LYZL1: variants seen among roughly 807,000 people sequenced by gnomAD.
LYZL1 encodes lysozyme like 1.
A neutral mutation model predicts 17.9 loss-of-function variants in LYZL1; 16 were observed. The ratio of observed to expected loss-of-function variants is 0.90; its 90% confidence interval spans 0.61 to 1.36. LYZL1 has a LOEUF of 1.36. Among genes scored for constraint, LYZL1 ranks in the 40% most tolerant of loss-of-function variants. LYZL1 has a pLI of 0.00. For missense variants in LYZL1, 149 were observed against 188.4 expected (o/e 0.79, Z 1.22); for synonymous variants, 58 against 71.8 (o/e 0.81, Z 0.97).
chr10:29,304,648 A>C (rs1835567276), intron 3 of LYZL1, among the ~76,000 whole-genome samples: 1 of 152,336 alleles, frequency 6.6e-6, no homozygotes, highest in Non-Finnish European at 1.5e-5. Context: ...GTCTATTTAA[A>C]GTAAATTGAG....
At chr10:29,296,866 T>A (rs552626618) in intron 3 of LYZL1, among the ~76,000 whole-genome samples, 1 of 152,282 alleles carries the variant, frequency 6.6e-6, no homozygotes, top group East Asian at 1.9e-4. Flanking sequence ...CAGCCTTTAG[T>A]GCCCCTCTCT....
intron 2 of LYZL1, among the ~76,000 whole-genome samples, 193 bp downstream of exon 2, chr10:29,292,199 TTCCTGGAG>T (rs1473488104): frequency 1.3e-5 from 2 of 150,390 alleles, no homozygotes; most frequent in East Asian, 4.0e-4. Context: ...CATTTCCTTA[TTCCTGGAG>T]TCCTGTCCTT....
intron 1 of LYZL1, among the ~76,000 whole-genome samples, chr10:29,291,603 G>A (rs563586861): frequency 0.011 from 1,629 of 150,488 alleles, 21 homozygotes; most frequent in African/African-American, 0.029. Flanking sequence ...TAATTTTTTT[G>A]CTTGCTTAAC....
intron 3 of LYZL1, among the ~76,000 whole-genome samples, chr10:29,299,253 T>C (rs1244034725): frequency 6.6e-6 from 1 of 152,194 alleles, no homozygotes; most frequent in Non-Finnish European, 1.5e-5. Flanking sequence ...TCCTGCTGTG[T>C]GACTTGGTTC....
Position 29,310,099 on chromosome 10 carries a change from C to G in LYZL1, c.299-11C>G, listed in dbSNP as rs762128491. On this transcript the variant is annotated splice_polypyrimidine_tract_variant and intron_variant, in intron 3 of 4. Coordinates refer to ENST00000649382, the MANE Select transcript of LYZL1 (RefSeq NM_032517.6). ...GTCTCGCCTAACCCTGATGTCTTCT[C>G]TCTTTTACAGCCTTGATCACTGATG... The G allele has an allele frequency of 6.2e-7, 1 of 1,603,526 alleles. No individual in the cohort carries two copies. Among genetic ancestry groups the G allele is most frequent in the Non-Finnish European group, 8.5e-7 (1 of 1,171,272 alleles).
chr10:29,312,685 A>G (rs1401872573), downstream of LYZL1, among the ~76,000 whole-genome samples: 1 of 152,128 alleles, frequency 6.6e-6, no homozygotes, highest in East Asian at 1.9e-4. Context: ...TATTCCCAGG[A>G]TGCCTTCTGC....
chr10:29,292,220 G>A (rs1346967148), intron 2 of LYZL1, among the ~76,000 whole-genome samples: 2 of 150,066 alleles, frequency 1.3e-5, no homozygotes, highest in African/African-American at 4.9e-5. Flanking sequence ...CTGTCCTTAT[G>A]ACACTAGCCA....
chr10:29,295,736 G>T (rs1835438392), intron 3 of LYZL1, among the ~76,000 whole-genome samples: 1 of 152,176 alleles, frequency 6.6e-6, no homozygotes, highest in Non-Finnish European at 1.5e-5. Flanking sequence ...GTCAGAGAGA[G>T]CTCCAATGAT....
intron 3 of LYZL1, among the ~76,000 whole-genome samples, chr10:29,295,643 T>C (rs140974625): frequency 6.6e-6 from 1 of 152,280 alleles, no homozygotes; most frequent in African/African-American, 2.4e-5. Context: ...TGAGATCAGG[T>C]AGGGGAGATT....
At chr10:29,297,137 A>G (rs1835457323) in intron 3 of LYZL1, among the ~76,000 whole-genome samples, 1 of 152,006 alleles carries the variant, frequency 6.6e-6, no homozygotes, top group Admixed American at 6.5e-5. Flanking sequence ...CAAATAAAGA[A>G]CCTTTGGAAA....
At chr10:29,307,936 G>A (rs766327993) in intron 3 of LYZL1, among the ~76,000 whole-genome samples, 27 of 151,994 alleles carry the variant, frequency 1.8e-4, no homozygotes, top group African/African-American at 6.0e-4. Flanking sequence ...TCCATTATAC[G>A]CCCACGAGCA....
rs769927656 is a variant in LYZL1 at position 29,301,462 on chromosome 10, G to A, written c.299-8648G>A. 4.5e-4 allele frequency among the ~76,000 whole-genome samples: 69 copies of A among 152,258 alleles called. 1 individual carries two copies. Among genetic ancestry groups the A allele is most frequent in the Non-Finnish European group, 3.2e-4 (22 of 68,028 alleles). ...ATCCTCAGCCTCCCAAAGTGCTGGG[G>A]TTACAGCTGTGAGTAATCATGCTCA... On this transcript the variant is annotated intron_variant, in intron 3 of 4. Coordinates refer to ENST00000649382, the MANE Select transcript of LYZL1 (RefSeq NM_032517.6).
At chr10:29,308,205 C>T (rs763106591) in intron 3 of LYZL1, among the ~76,000 whole-genome samples, 8 of 152,182 alleles carry the variant, frequency 5.3e-5, no homozygotes, top group Non-Finnish European at 8.8e-5. Flanking sequence ...CAGTACCTGC[C>T]ACCTGCTTCA....
downstream of LYZL1, among the ~76,000 whole-genome samples, chr10:29,312,498 G>C (rs993583223): frequency 2.6e-5 from 4 of 152,020 alleles, no homozygotes; most frequent in African/African-American, 9.7e-5. Context: ...GGACACCCCT[G>C]ATTTAAATTA....
downstream of LYZL1, among the ~76,000 whole-genome samples, chr10:29,311,394 C>T (rs1318907208): frequency 6.6e-6 from 1 of 152,006 alleles, no homozygotes; most frequent in Non-Finnish European, 1.5e-5. Context: ...AAGACTCCCT[C>T]ATCTTCAGGG....
At chr10:29,314,539 A>T (rs1835707280), downstream of LYZL1, among the ~76,000 whole-genome samples, 1 of 152,154 alleles carries the variant, frequency 6.6e-6, no homozygotes, top group Non-Finnish European at 1.5e-5. Flanking sequence ...GCTTGAGCCC[A>T]GGAGTTTGAG....
chr10:29,306,779 A>G (rs1835600320), intron 3 of LYZL1, among the ~76,000 whole-genome samples: 1 of 149,630 alleles, frequency 6.7e-6, no homozygotes, highest in Non-Finnish European at 1.5e-5. Context: ...ATCACCTCAC[A>G]TAGTTACCGC....
chr10:29,300,250 AATT>A (rs1835499310), intron 3 of LYZL1, among the ~76,000 whole-genome samples: 1 of 152,092 alleles, frequency 6.6e-6, no homozygotes, highest in African/African-American at 2.4e-5. Context: ...TTAAAAAAAA[AATT>A]ATTATTCTCT....
chr10:29,291,948 G>A lies in LYZL1; in HGVS notation c.81G>A (p.Leu27=), dbSNP rs375850950. The A allele has an allele frequency of 2.1e-5, 34 of 1,591,896 alleles. No individual in the cohort carries two copies. In the African/African-American group the frequency reaches 4.0e-4, roughly 19 times the overall value. ...AESKIYTRCK[L]AKIFSRAGLD... ...CCAAAATCTACACTCGTTGCAAACT[G>A]GCAAAAATATTCTCGAGGGCTGGCC... is the stretch of plus-strand genomic sequence containing the variant. The change falls in exon 2 of 5, where the codon CTG becomes CTA. Residue 27 remains leucine (L), a synonymous_variant. Transcript: ENST00000649382.
Sources: allele counts gnomAD v4.1 joint callset (sites outside exome capture counted in the v4.1 genomes callset), GRCh38; gene constraint gnomAD v4.1.1; transcripts MANE v1.5; gene names NCBI Gene and HGNC (gene_info 2026-07-23, HGNC 2026-07-21).